MSRA: variants seen among roughly 807,000 people sequenced by gnomAD.
MSRA encodes methionine sulfoxide reductase A.
In MSRA, 54 loss-of-function variants were observed where a neutral mutation model predicts 31.3. That is an observed-to-expected ratio of 1.73 (90% CI 1.39 to 2.17). The LOEUF is 2.17. Ranked by LOEUF, MSRA falls within the 30% of genes most tolerant of loss-of-function variation. MSRA has a pLI of 0.00. For missense variants in MSRA, 507 were observed against 300.9 expected (o/e 1.69, Z -5.07); for synonymous variants, 169 against 116.5 (o/e 1.45, Z -2.90).
intron 5 of MSRA, among the ~76,000 whole-genome samples, chr8:10,343,698 A>G (rs556429626): frequency 1.3e-5 from 2 of 152,330 alleles, no homozygotes; most frequent in South Asian, 4.1e-4. Flanking sequence ...TGCACACACA[A>G]GTCAATAGAT....
intron 5 of MSRA, among the ~76,000 whole-genome samples, chr8:10,325,271 C>G (rs1563352887): frequency 1.3e-5 from 2 of 152,062 alleles, no homozygotes; most frequent in Non-Finnish European, 2.9e-5. Context: ...GTGCATCCTG[C>G]TGCAGTCATA....
At chr8:10,363,729 A>G (rs1255160123) in intron 5 of MSRA, among the ~76,000 whole-genome samples, 1 of 35,592 alleles carries the variant, frequency 2.8e-5, no homozygotes, top group African/African-American at 5.6e-5. Context: ...ACCAAGCAAG[A>G]TGCAGTCACC....
chr8:10,313,411 G>C (rs140496706), intron 4 of MSRA, among the ~76,000 whole-genome samples: 1 of 151,846 alleles, frequency 6.6e-6, no homozygotes, highest in African/African-American at 2.4e-5. Context: ...TGGAATTTCA[G>C]GGTTTACTTA....
intron 1 of MSRA, among the ~76,000 whole-genome samples, chr8:10,087,544 G>A (rs1798627064): frequency 6.6e-6 from 1 of 152,174 alleles, no homozygotes; most frequent in African/African-American, 2.4e-5. Context: ...GTAGCTCTAA[G>A]GATCTAAATT....
chr8:10,158,477 G>A (rs1804360877), intron 1 of MSRA, among the ~76,000 whole-genome samples: 1 of 152,196 alleles, frequency 6.6e-6, no homozygotes, highest in South Asian at 2.1e-4. Context: ...CAGATAATAT[G>A]TGGCCTATTG....
intron 1 of MSRA, among the ~76,000 whole-genome samples, chr8:10,062,811 G>A (rs192785358): frequency 6.6e-6 from 1 of 152,310 alleles, no homozygotes; most frequent in East Asian, 1.9e-4. Context: ...TGTGATAGGA[G>A]TGGATCGTGT....
intron 2 of MSRA, among the ~76,000 whole-genome samples, chr8:10,221,527 A>G (rs1054066669): frequency 6.6e-6 from 1 of 152,100 alleles, no homozygotes; most frequent in Non-Finnish European, 1.5e-5. Context: ...GGGTCAGGCT[A>G]CTAGTTAATG....
chr8:10,342,149 C>T (rs1166173164), intron 5 of MSRA, among the ~76,000 whole-genome samples: 1 of 152,172 alleles, frequency 6.6e-6, no homozygotes, highest in Non-Finnish European at 1.5e-5. Flanking sequence ...AAGTTCTGTT[C>T]TTCAGTGTGT....
At chr8:10,330,103 C>T (rs1006325955) in intron 5 of MSRA, among the ~76,000 whole-genome samples, 3 of 148,958 alleles carry the variant, frequency 2.0e-5, no homozygotes, top group African/African-American at 4.9e-5. Flanking sequence ...GTCACTTACT[C>T]TCTTTGAGCC....
At chr8:10,284,139 G>A (rs1799806568) in intron 3 of MSRA, among the ~76,000 whole-genome samples, 1 of 151,850 alleles carries the variant, frequency 6.6e-6, no homozygotes, top group Non-Finnish European at 1.5e-5. Context: ...CTTTTCTTGA[G>A]GGATAATTGG....
At chr8:10,125,570 A>G (rs1422514566) in intron 1 of MSRA, among the ~76,000 whole-genome samples, 1 of 152,200 alleles carries the variant, frequency 6.6e-6, no homozygotes, top group Non-Finnish European at 1.5e-5. Context: ...ATTGGGGGCC[A>G]GGCTCCTGAA....
At chr8:10,357,121 G>A (rs1371904427) in intron 5 of MSRA, among the ~76,000 whole-genome samples, 1 of 152,082 alleles carries the variant, frequency 6.6e-6, no homozygotes, top group Non-Finnish European at 1.5e-5. Context: ...GCTTTTCATC[G>A]GCAAACCTAC....
intron 1 of MSRA, among the ~76,000 whole-genome samples, chr8:10,092,888 A>G (rs138454312): frequency 2.0e-5 from 3 of 152,076 alleles, no homozygotes; most frequent in African/African-American, 7.2e-5. Context: ...GTATGTTTAT[A>G]TTGGTTGTCT....
intron 1 of MSRA, among the ~76,000 whole-genome samples, chr8:10,056,302 T>C (rs1204485775): frequency 6.6e-6 from 1 of 151,980 alleles, no homozygotes; most frequent in Non-Finnish European, 1.5e-5. Context: ...TTTGGCTTTA[T>C]CTTAACCAAA....
At chr8:10,219,120 C>G (rs960463008) in intron 2 of MSRA, among the ~76,000 whole-genome samples, 1 of 152,156 alleles carries the variant, frequency 6.6e-6, no homozygotes, top group Admixed American at 6.5e-5. Context: ...TGTGCAATGC[C>G]TTCAAACTGT....
At chr8:10,413,728 G>C (rs1038971119) in intron 5 of MSRA, among the ~76,000 whole-genome samples, 1 of 151,286 alleles carries the variant, frequency 6.6e-6, no homozygotes. Context: ...TCGCCAGAAG[G>C]GCTGAGTTGG....
At chr8:10,404,896 C>T (rs906640792) in intron 5 of MSRA, among the ~76,000 whole-genome samples, 6 of 152,290 alleles carry the variant, frequency 3.9e-5, no homozygotes, top group East Asian at 1.9e-4. Context: ...GTGTGGTAAG[C>T]GGCACAGCTG....
At chr8:10,159,849 C>T (rs181044010) in intron 1 of MSRA, among the ~76,000 whole-genome samples, 2 of 152,190 alleles carry the variant, frequency 1.3e-5, no homozygotes, top group African/African-American at 4.8e-5. Context: ...TTAAGTGGTT[C>T]CTACAGGTTT....
At chr8:10,094,532 A>C (rs1284666265) in intron 1 of MSRA, among the ~76,000 whole-genome samples, 1 of 152,262 alleles carries the variant, frequency 6.6e-6, no homozygotes, top group Non-Finnish European at 1.5e-5. Context: ...GTAAATGAGC[A>C]AACTGAGGAG....
Sources: gnomAD v4.1 joint callset for allele counts (sites outside exome capture counted in the v4.1 genomes callset) on GRCh38, gnomAD v4.1.1 for gene constraint, MANE v1.5 for transcripts, NCBI Gene and HGNC (gene_info 2026-07-23, HGNC 2026-07-21) for gene names.